Variants in SEMA5B observed in about 807,000 individuals in gnomAD.
SEMA5B encodes semaphorin-5B.
A neutral mutation model predicts 135.0 loss-of-function variants in SEMA5B; 66 were observed. The observed-to-expected ratio is 0.49, with a 90% confidence interval of 0.40 to 0.60. The LOEUF is 0.60. SEMA5B is among the 20% of genes least tolerant of loss of function. SEMA5B has a pLI of 0.00. For missense variants in SEMA5B, 1,501 were observed against 1,566.3 expected (o/e 0.96, Z 0.70); for synonymous variants, 690 against 639.5 (o/e 1.08, Z -1.19).
intron 1 of SEMA5B, among the ~76,000 whole-genome samples, chr3:123,012,518 C>T (rs1012210231): frequency 3.9e-5 from 6 of 152,210 alleles, no homozygotes; most frequent in African/African-American, 1.4e-4. Context: ...CCATCCTCCC[C>T]GGTCCTACCC....
intron 1 of SEMA5B, among the ~76,000 whole-genome samples, chr3:122,963,686 G>T (rs942278652): frequency 6.6e-6 from 1 of 152,150 alleles, no homozygotes; most frequent in Non-Finnish European, 1.5e-5. Flanking sequence ...CAGAGAACAC[G>T]GGGCATCGGG....
intron 2 of SEMA5B, among the ~76,000 whole-genome samples, chr3:122,956,306 C>T (rs1050206855): frequency 7.2e-5 from 11 of 152,218 alleles, no homozygotes; most frequent in African/African-American, 2.4e-4. Flanking sequence ...TGCCTGGAGG[C>T]GTGTGAATGC....
chr3:122,920,983 G>T (rs1938318949), intron 12 of SEMA5B, among the ~76,000 whole-genome samples: 1 of 152,296 alleles, frequency 6.6e-6, no homozygotes, highest in East Asian at 1.9e-4. Flanking sequence ...TGGAGTGTCT[G>T]CCCTGAGACT....
chr3:122,931,422 C>T (rs1439612766), intron 5 of SEMA5B, among the ~76,000 whole-genome samples: 1 of 152,166 alleles, frequency 6.6e-6, no homozygotes, highest in Non-Finnish European at 1.5e-5. Context: ...CCAGATTTCA[C>T]TGAATATATG....
chr3:122,948,718 T>TAAAC lies in SEMA5B; in HGVS notation c.125-13_125-10dup, dbSNP rs1318563573. 6.3e-7 allele frequency: 1 copy of TAAAC among 1,584,738 alleles called. No homozygotes were observed. Among genetic ancestry groups the TAAAC allele is most frequent in the African/African-American group, 1.3e-5 (1 of 74,334 alleles). On this transcript the variant is annotated splice_polypyrimidine_tract_variant and intron_variant, in intron 2 of 22. Transcript: ENST00000357599. ...CAGACAGGGGAGAAGACCTGCAACG[T>TAAAC]AAACACTCAGTCTCACCAAGCGCTC...
At chr3:122,978,405 G>T (rs1033578612) in intron 1 of SEMA5B, among the ~76,000 whole-genome samples, 1 of 150,580 alleles carries the variant, frequency 6.6e-6, no homozygotes, top group Non-Finnish European at 1.5e-5. Flanking sequence ...ACAGGGACCC[G>T]TGCAGCATCC....
chr3:122,910,235 C>T lies in SEMA5B; in HGVS notation c.3364G>A (p.Val1122Met), dbSNP rs749687576. The T allele has an allele frequency of 3.1e-6, 5 of 1,614,104 alleles. No homozygotes were observed. The African/African-American group carries it at 6.7e-5, about 22-fold the overall frequency. ...ANFYPLQQTN[V>M]YTTTYYPSPL... is the part of the protein sequence containing the mutation. The stretch of plus-strand genomic sequence containing the variant: ...CTTGGGTAGTAAGTAGTCGTGTACA[C>T]ATTGGTCTGCTGCAATGGGTAGAAG... The change falls in exon 23 of 23, where the codon GTG becomes ATG. Residue 1122 changes from valine to methionine, a missense_variant. Physicochemically the swap from Val to Met is conservative, Grantham distance 21. This residue lies in a region of SEMA5B where 927 missense variants were observed against 881.6 expected (regional missense o/e 1.05). Transcript: ENST00000357599.
At chr3:122,967,175 G>A (rs1940891811) in intron 1 of SEMA5B, among the ~76,000 whole-genome samples, 1 of 152,130 alleles carries the variant, frequency 6.6e-6, no homozygotes, top group Non-Finnish European at 1.5e-5. Flanking sequence ...GTGAGCCACT[G>A]TGCCCAGCCT....
chr3:122,918,971 G>A (rs1301764009), intron 12 of SEMA5B, among the ~76,000 whole-genome samples: 2 of 144,142 alleles, frequency 1.4e-5, no homozygotes, highest in Non-Finnish European at 3.0e-5. Context: ...GGAGCCATCA[G>A]ACCAATAATA....
intron 1 of SEMA5B, among the ~76,000 whole-genome samples, chr3:122,963,041 A>G (rs1266857460): frequency 2.0e-5 from 3 of 152,196 alleles, no homozygotes; most frequent in Non-Finnish European, 2.9e-5. Flanking sequence ...AAAGAGTCGT[A>G]TGTGTGTCTG....
chr3:122,913,793 A>G, intron 15 of SEMA5B, 65 bp downstream of exon 15: 1 of 1,567,360 alleles, frequency 6.4e-7, no homozygotes, highest in Non-Finnish European at 8.7e-7. Context: ...CACGAGGAGA[A>G]TCCAGGCCAC....
chr3:122,929,118 A>G lies in SEMA5B; in HGVS notation c.475-60T>C, dbSNP rs373076546. The G allele has an allele frequency of 2.2e-5, 33 of 1,522,052 alleles. 2 individuals are homozygous for G. The highest frequency in any genetic ancestry group is 3.4e-5 in the Admixed American group (2 of 59,200). 94.3% of individuals were successfully genotyped at this position (1,522,052 alleles called of 1,614,324 possible). On this transcript the variant is annotated intron_variant, in intron 5 of 22. Coordinates refer to ENST00000357599, the MANE Select transcript of SEMA5B (RefSeq NM_001031702.4). ...ATGGCTGTGTCATTTACTGCCACTCACTGGCAGAGCAGGCAGCAGCCAGTG... is the reference window on the plus strand; with the variant it reads ...ATGGCTGTGTCATTTACTGCCACTCGCTGGCAGAGCAGGCAGCAGCCAGTG...
intron 2 of SEMA5B, among the ~76,000 whole-genome samples, chr3:122,960,447 T>C (rs965069788): frequency 2.0e-5 from 3 of 152,170 alleles, no homozygotes; most frequent in Non-Finnish European, 4.4e-5. Flanking sequence ...AGAATTACCA[T>C]ATGATCCAGC....
At chr3:122,921,154 C>T (rs1488272962) in intron 12 of SEMA5B, among the ~76,000 whole-genome samples, 2 of 152,218 alleles carry the variant, frequency 1.3e-5, no homozygotes, top group South Asian at 2.1e-4. Flanking sequence ...CCAGGACTCT[C>T]GGTTGCAAAG....
At chr3:122,967,637 A>G (rs1487414536) in intron 1 of SEMA5B, among the ~76,000 whole-genome samples, 1 of 152,192 alleles carries the variant, frequency 6.6e-6, no homozygotes, top group Non-Finnish European at 1.5e-5. Flanking sequence ...CTGTGGTGCC[A>G]TTCATGCTCC....
intron 1 of SEMA5B, among the ~76,000 whole-genome samples, chr3:123,017,202 A>T (rs1329937213): frequency 6.6e-6 from 1 of 152,028 alleles, no homozygotes; most frequent in Non-Finnish European, 1.5e-5. Context: ...TGCATTTTTT[A>T]AAAATATTTT....
chr3:123,013,022 T>G (rs1321800155), intron 1 of SEMA5B, among the ~76,000 whole-genome samples: 2 of 152,156 alleles, frequency 1.3e-5, no homozygotes, highest in African/African-American at 2.4e-5. Flanking sequence ...AGGACTGTTT[T>G]CAGTGCAGGG....
intron 5 of SEMA5B, among the ~76,000 whole-genome samples, chr3:122,935,857 C>G (rs926545155): frequency 1.3e-5 from 2 of 151,784 alleles, no homozygotes; most frequent in Non-Finnish European, 2.9e-5. Flanking sequence ...CCATGCCCAG[C>G]TAATTTTTGT....
At chr3:122,984,621 T>C (rs1049459782) in intron 1 of SEMA5B, among the ~76,000 whole-genome samples, 1 of 152,136 alleles carries the variant, frequency 6.6e-6, no homozygotes, top group Non-Finnish European at 1.5e-5. Flanking sequence ...ACCCATTGGG[T>C]ACAATGTTTG....
Sources: gnomAD v4.1 joint callset for allele counts (sites outside exome capture counted in the v4.1 genomes callset) on GRCh38, gnomAD v4.1.1 for gene constraint, gnomAD v4.1.1 regional missense constraint, MANE v1.5 for transcripts, NCBI Gene and HGNC (gene_info 2026-07-23, HGNC 2026-07-21) for gene names.